Variants in TMIGD3 observed in about 807,000 individuals in gnomAD.
TMIGD3 encodes transmembrane and immunoglobulin domain containing 3.
Under a neutral mutation model 28.1 loss-of-function variants are expected in TMIGD3, and 21 were observed. That is an observed-to-expected ratio of 0.75 (90% CI 0.53 to 1.08). TMIGD3 has a LOEUF of 1.08. Ranked by LOEUF, TMIGD3 falls within the 50% of genes least tolerant of loss-of-function variation. TMIGD3 has a pLI of 0.00. For synonymous variants in TMIGD3, 151 were observed against 162.1 expected (o/e 0.93, Z 0.52); for missense variants, 416 against 435.6 (o/e 0.96, Z 0.40).
intron 2 of TMIGD3, among the ~76,000 whole-genome samples, chr1:111,489,917 C>G (rs1301354257): frequency 6.6e-6 from 1 of 152,060 alleles, no homozygotes; most frequent in East Asian, 1.9e-4. Context: ...AGTGTCTGAC[C>G]AAGAAGAGGA....
chr1:111,517,186 T>G (rs376972763), intron 1 of TMIGD3, among the ~76,000 whole-genome samples: 123 of 152,332 alleles, frequency 8.1e-4, no homozygotes, highest in Middle Eastern at 3.4e-3. Flanking sequence ...TGAGGAACCC[T>G]CGATAAAGTC....
At chr1:111,502,395 T>TAC (rs1557824565) in intron 1 of TMIGD3, among the ~76,000 whole-genome samples, 1 of 133,720 alleles carries the variant, frequency 7.5e-6, no homozygotes, top group African/African-American at 2.7e-5. Context: ...ATATATAGGA[T>TAC]ACATATATTT....
chr1:111,556,629 C>T (rs1309950701), intron 1 of TMIGD3, among the ~76,000 whole-genome samples: 2 of 152,124 alleles, frequency 1.3e-5, no homozygotes. Flanking sequence ...GGACATTATG[C>T]TAAGTGAAAT....
chr1:111,561,385 G>A (rs1657729555), intron 1 of TMIGD3, among the ~76,000 whole-genome samples: 1 of 152,214 alleles, frequency 6.6e-6, no homozygotes, highest in Non-Finnish European at 1.5e-5. Context: ...CAGCCTCTCA[G>A]TGCTGGGATT....
At chr1:111,539,361 G>C (rs1345611766) in intron 1 of TMIGD3, among the ~76,000 whole-genome samples, 1 of 152,152 alleles carries the variant, frequency 6.6e-6, no homozygotes, top group Non-Finnish European at 1.5e-5. Flanking sequence ...GCAGTGGTGT[G>C]ATCATGGCTC....
At chr1:111,558,925 G>A (rs985699610) in intron 1 of TMIGD3, among the ~76,000 whole-genome samples, 1 of 152,078 alleles carries the variant, frequency 6.6e-6, no homozygotes, top group African/African-American at 2.4e-5. Context: ...GTAGTAACAA[G>A]TGAAAAGTAT....
Position 111,503,507 on chromosome 1 carries a change from G to A in TMIGD3, c.-153C>T. The A allele has an allele frequency of 7.0e-7, 1 of 1,437,842 alleles. No individual in the cohort carries two copies. The highest frequency in any genetic ancestry group is 2.5e-5 in the East Asian group (1 of 39,690). The allele number at this position is 1,437,842 out of a possible 1,614,324, so 89.1% of individuals were successfully genotyped here. ...AACTTGCTCATTCCTACCCTTTTCT[G>A]GTGGGGTGATCTCTTGGAAACCCTT... On this transcript the variant is annotated 5_prime_UTR_variant, in exon 1 of 6. Coordinates refer to ENST00000369716, the MANE Select transcript of TMIGD3 (RefSeq NM_020683.7).
chr1:111,505,198 A>G (rs912205302), upstream of TMIGD3, among the ~76,000 whole-genome samples: 2 of 151,862 alleles, frequency 1.3e-5, no homozygotes, highest in African/African-American at 4.8e-5. Context: ...TAAATACTGC[A>G]AAAAACCCTC....
At position 111,503,586 on chromosome 1, in the gene TMIGD3, G is replaced by A. The variant is rs935820699; in HGVS notation, c.-232C>T. On this transcript the variant is annotated 5_prime_UTR_variant, in exon 1 of 6. Coordinates refer to ENST00000369716, the MANE Select transcript of TMIGD3 (RefSeq NM_020683.7). ...GTCACTTCCAGCCCCTTTATGCACC[G>A]CACATCCTCAAGTTTCCAGAATGCT... 5.9e-6 allele frequency: 8 copies of A among 1,354,086 alleles called. No individual in the cohort carries two copies. The highest frequency in any genetic ancestry group is 3.1e-5 in the Admixed American group (1 of 32,432). The allele number at this position is 1,354,086 out of a possible 1,614,324, so 83.9% of individuals were successfully genotyped here.
At chr1:111,492,450 C>T (rs1341953632) in intron 1 of TMIGD3, among the ~76,000 whole-genome samples, 2 of 152,134 alleles carry the variant, frequency 1.3e-5, no homozygotes, top group East Asian at 1.9e-4. Flanking sequence ...GAGATGGCAA[C>T]ATGAAACCAA....
upstream of TMIGD3, chr1:111,504,999 G>A: frequency 1.0e-6 from 1 of 985,162 alleles, no homozygotes. Context: ...TGCACTGCTG[G>A]AACTTGAAAA....
upstream of TMIGD3, among the ~76,000 whole-genome samples, chr1:111,505,948 C>T (rs2786996): frequency 0.98 from 148,999 of 152,296 alleles, 72,978 homozygotes; most frequent in East Asian, 1. Flanking sequence ...TTGGCTGCAC[C>T]AGACTGAGCA....
intron 1 of TMIGD3, among the ~76,000 whole-genome samples, chr1:111,502,221 T>C (rs141759089): frequency 0.05 from 1,306 of 26,346 alleles, 126 homozygotes; most frequent in Middle Eastern, 0.091. Flanking sequence ...GATATATATT[T>C]ATTATAATGA....
At chr1:111,548,974 A>G (rs922947219) in intron 1 of TMIGD3, among the ~76,000 whole-genome samples, 1 of 152,222 alleles carries the variant, frequency 6.6e-6, no homozygotes, top group African/African-American at 2.4e-5. Flanking sequence ...AGTTCATTTT[A>G]GTGCAAAAAA....
At chr1:111,483,854 C>T (rs1003619961) in intron 5 of TMIGD3, 97 bp from the exon 6 acceptor site, 5 of 916,392 alleles carry the variant, frequency 5.5e-6, no homozygotes, top group Non-Finnish European at 8.9e-6. Flanking sequence ...TGTCATGGGG[C>T]TTTCATGGGG....
rs140231183 is a variant in TMIGD3, at chr1:111,497,134, G to T, written c.350+5871C>A. Among the ~76,000 whole-genome samples, 506 of 152,196 alleles carry T rather than the reference G, an allele frequency of 3.3e-3. 5 individuals are homozygous for T. Among genetic ancestry groups the T allele is most frequent in the Middle Eastern group, 0.02 (6 of 294 alleles). On this transcript the variant is annotated intron_variant, in intron 1 of 5. Coordinates refer to ENST00000369716, the MANE Select transcript of TMIGD3 (RefSeq NM_020683.7). ...AATCTCTCTTTTTTGTTTTTGAGAC[G>T]GAGTGTCGTTCTGTCGCCCAGGCTG...
intron 1 of TMIGD3, among the ~76,000 whole-genome samples, chr1:111,519,219 G>A (rs781027772): frequency 2.0e-5 from 3 of 152,118 alleles, no homozygotes; most frequent in African/African-American, 4.8e-5. Flanking sequence ...GATTACAGGC[G>A]TGAGCCACCG....
rs935068976 is a variant in TMIGD3 at position 111,485,637 on chromosome 1, G to A, written c.973+103C>T. ...GCTGCATTGGTCTCCAGGTGACCAG[G>A]CAATATGAAGAGGCTCTCATTCACT... is the stretch of plus-strand genomic sequence containing the variant. On this transcript the variant is annotated intron_variant, in intron 5 of 5. Coordinates refer to ENST00000369716, the MANE Select transcript of TMIGD3 (RefSeq NM_020683.7). 13 of 889,510 alleles carry A rather than the reference G, an allele frequency of 1.5e-5. No individual in the cohort carries two copies. The African/African-American group carries it at 1.7e-4, about 12-fold the overall frequency. The allele number at this position is 889,510 out of a possible 1,614,324, so 55.1% of individuals were successfully genotyped here.
Position 111,503,407 on chromosome 1 carries a change from C to T in TMIGD3, c.-53G>A. The stretch of plus-strand genomic sequence containing the variant: ...GGACAGGTGAGCCAGCAAGATCCGT[C>T]TGTAGGGCCAGTGGGCCTAGCTCTC... On this transcript the variant is annotated 5_prime_UTR_variant, in exon 1 of 6. Coordinates refer to ENST00000369716, the MANE Select transcript of TMIGD3 (RefSeq NM_020683.7). 1 of 1,547,250 alleles carries T rather than the reference C, an allele frequency of 6.5e-7. No individual in the cohort carries two copies. Among genetic ancestry groups the T allele is most frequent in the Admixed American group, 1.9e-5 (1 of 52,376 alleles).
Sources: allele counts gnomAD v4.1 joint callset (sites outside exome capture counted in the v4.1 genomes callset), GRCh38; gene constraint gnomAD v4.1.1; transcripts MANE v1.5; gene names NCBI Gene and HGNC (gene_info 2026-07-23, HGNC 2026-07-21).